Variants in ASB13 observed in about 807,000 individuals in gnomAD.
ASB13 encodes ankyrin repeat and SOCS box protein 13.
In ASB13, 33 loss-of-function variants were observed where a neutral mutation model predicts 28.8. That is an observed-to-expected ratio of 1.15 (90% CI 0.87 to 1.53). ASB13 has a LOEUF of 1.53. Ranked by LOEUF, ASB13 falls within the 40% of genes most tolerant of loss-of-function variation. ASB13 has a pLI of 0.00. For synonymous variants in ASB13, 182 were observed against 172.9 expected (o/e 1.05, Z -0.41); for missense variants, 414 against 390.1 (o/e 1.06, Z -0.52).
rs754063439 is a variant in ASB13 at position 5,642,468 on chromosome 10, C to T, written c.518-507G>A. 14 of 1,175,930 alleles carry T rather than the reference C, an allele frequency of 1.2e-5. No individual in the cohort carries two copies. The highest frequency in any genetic ancestry group is 4.9e-5 in the African/African-American group (3 of 61,260). The allele number at this position is 1,175,930 out of a possible 1,614,324, so 72.8% of individuals were successfully genotyped here. On this transcript the variant is annotated intron_variant, in intron 4 of 5. Transcript: ENST00000357700. The surrounding 1 kb of genome is among the most constrained non-coding windows in gnomAD (Gnocchi z 4.1). ...TCTTTTACAAAAGGAAAACAGATAA[C>T]GTACCCAAAACAGTAGGCAATTCAG...
In ASB13 at chr10:5,639,111, G is replaced by C. The variant is rs1834767024; in HGVS notation, c.*1592C>G. 6.6e-6 allele frequency: 1 copy of C among 152,582 alleles called. No individual in the cohort carries two copies. 9.5% of individuals were successfully genotyped at this position (152,582 alleles called of 1,614,324 possible). On this transcript the variant is annotated 3_prime_UTR_variant, in exon 6 of 6. Transcript: ENST00000357700. ...GCTTTTCTTCTCAGTTTAGGACGAA[G>C]ACCCGCCATGACAATGGCGGGAACG...
At chr10:5,662,707 T>C (rs1428175098) in intron 1 of ASB13, among the ~76,000 whole-genome samples, 1 of 151,486 alleles carries the variant, frequency 6.6e-6, no homozygotes, top group Non-Finnish European at 1.5e-5. Flanking sequence ...CTGCCTGCTG[T>C]CCAAACCACA....
In ASB13 at chr10:5,659,701, G is replaced by A. The variant is rs1486076705; in HGVS notation, c.44-6651C>T. 6.6e-6 allele frequency among the ~76,000 whole-genome samples: 1 copy of A among 151,336 alleles called. No homozygotes were observed. The highest frequency in any genetic ancestry group is 1.5e-5 in the Non-Finnish European group (1 of 67,940). ...CCACACTATTGCCCCACCACCAGCT[G>A]ATCAGCATTCTCCCTTCCCTGGGCC... On this transcript the variant is annotated intron_variant, in intron 1 of 5. Transcript: ENST00000357700. The surrounding 1 kb of genome is among the most constrained non-coding windows in gnomAD (Gnocchi z 5.8).
intron 4 of ASB13, among the ~76,000 whole-genome samples, chr10:5,647,912 T>C (rs1834909681): frequency 6.6e-6 from 1 of 152,134 alleles, no homozygotes; most frequent in Non-Finnish European, 1.5e-5. Flanking sequence ...TGCAAGTATA[T>C]ACCCATTCAG....
rs2131437668 is a variant in ASB13 at position 5,638,993 on chromosome 10, G to A, written c.*1710C>T. 1 of 152,670 alleles carries A rather than the reference G, an allele frequency of 6.6e-6. No individual in the cohort carries two copies. The allele number at this position is 152,670 out of a possible 1,614,324, so 9.5% of individuals were successfully genotyped here. On this transcript the variant is annotated 3_prime_UTR_variant, in exon 6 of 6. Coordinates refer to ENST00000357700, the MANE Select transcript of ASB13 (RefSeq NM_024701.4). ...AAGAATCTCTTACAAAGATGAAAGG[G>A]CAGAACCCAGTGCTTTTTTTAATGG...
At chr10:5,647,964 T>TAAACACCCACTCAGGC (rs781358340) in intron 4 of ASB13, among the ~76,000 whole-genome samples, 2 of 101,398 alleles carry the variant, frequency 2.0e-5, no homozygotes, top group African/African-American at 3.2e-5. Context: ...ACTCTGCAGG[T>TAAACACCCACTCAGGC]AAACACCCAC....
chr10:5,654,837 C>A (rs972189604), intron 1 of ASB13, among the ~76,000 whole-genome samples: 2 of 152,194 alleles, frequency 1.3e-5, no homozygotes, highest in Admixed American at 6.5e-5. Flanking sequence ...TGGCTCATGC[C>A]TGTAATCTCA....
chr10:5,654,145 CTTT>C (rs145949502), intron 1 of ASB13, among the ~76,000 whole-genome samples: 2 of 128,766 alleles, frequency 1.6e-5, no homozygotes, highest in Non-Finnish European at 1.6e-5. Context: ...TTCTTTTTTT[CTTT>C]TTTTTTTTTT....
rs1834958767 is a variant in ASB13 at position 5,649,936 on chromosome 10, C to T, written c.383-832G>A. Among the ~76,000 whole-genome samples, 1 of 152,210 alleles carries T rather than the reference C, an allele frequency of 6.6e-6. No homozygotes were observed. Among genetic ancestry groups the T allele is most frequent in the South Asian group, 2.1e-4 (1 of 4,834 alleles). The stretch of plus-strand genomic sequence containing the variant: ...CCTGCACATTCCGTCTAGGCTCCAA[C>T]CTTTCCGTTCACTCAATTACCTCTT... On this transcript the variant is annotated intron_variant, in intron 3 of 5. Coordinates refer to ENST00000357700, the MANE Select transcript of ASB13 (RefSeq NM_024701.4). The surrounding 1 kb of genome is among the most constrained non-coding windows in gnomAD (Gnocchi z 6.4).
chr10:5,649,609 G>T lies in ASB13; in HGVS notation c.383-505C>A, dbSNP rs545267365. On this transcript the variant is annotated intron_variant, in intron 3 of 5. Coordinates refer to ENST00000357700, the MANE Select transcript of ASB13 (RefSeq NM_024701.4). The surrounding 1 kb of genome is among the most constrained non-coding windows in gnomAD (Gnocchi z 6.4). ...GGTGCGATCTCAGCTCACTACAACC[G>T]CCATCTCCCGGGTTAAAGCGATTCT... 6.6e-6 allele frequency among the ~76,000 whole-genome samples: 1 copy of T among 150,622 alleles called. No individual in the cohort carries two copies. Among genetic ancestry groups the T allele is most frequent in the East Asian group, 2.0e-4 (1 of 5,112 alleles).
Position 5,652,711 on chromosome 10 carries a change from G to T in ASB13, c.231+152C>A. ...GTGACCTCCTAACAGCCAGGTCCACGAGCACTTCTCAGCCATGGGCTTCCT... is the reference window on the plus strand; with the variant it reads ...GTGACCTCCTAACAGCCAGGTCCACTAGCACTTCTCAGCCATGGGCTTCCT... On this transcript the variant is annotated intron_variant, in intron 2 of 5. Coordinates refer to ENST00000357700, the MANE Select transcript of ASB13 (RefSeq NM_024701.4). The surrounding 1 kb of genome is among the most constrained non-coding windows in gnomAD (Gnocchi z 5.0). 1 of 756,048 alleles carries T rather than the reference G, an allele frequency of 1.3e-6. No homozygotes were observed. The highest frequency in any genetic ancestry group is 1.9e-6 in the Non-Finnish European group (1 of 533,696). The allele number at this position is 756,048 out of a possible 1,614,324, so 46.8% of individuals were successfully genotyped here.
chr10:5,642,483 A>C lies in ASB13; in HGVS notation c.518-522T>G. 8.3e-7 allele frequency: 1 copy of C among 1,203,454 alleles called. No individual in the cohort carries two copies. 74.5% of individuals were successfully genotyped at this position (1,203,454 alleles called of 1,614,324 possible). On this transcript the variant is annotated intron_variant, in intron 4 of 5. Coordinates refer to ENST00000357700, the MANE Select transcript of ASB13 (RefSeq NM_024701.4). The surrounding 1 kb of genome is among the most constrained non-coding windows in gnomAD (Gnocchi z 4.1). The stretch of plus-strand genomic sequence containing the variant: ...AAACAGATAACGTACCCAAAACAGT[A>C]GGCAATTCAGAGAAGAGAGTAAGCT...
chr10:5,652,351 C>G lies in ASB13; in HGVS notation c.231+512G>C, dbSNP rs541505726. ...GGTGTGCAGGGCCAGTGTTTGCCAG[C>G]TCGGGAGAGCTGGCTGCCAATGTGC... On this transcript the variant is annotated intron_variant, in intron 2 of 5. Transcript: ENST00000357700. The surrounding 1 kb of genome is among the most constrained non-coding windows in gnomAD (Gnocchi z 5.0). 2.6e-5 allele frequency among the ~76,000 whole-genome samples: 4 copies of G among 152,336 alleles called. No homozygotes were observed. Among genetic ancestry groups the G allele is most frequent in the African/African-American group, 9.6e-5 (4 of 41,568 alleles).
In ASB13 at chr10:5,644,110, A is replaced by C. The variant is rs1419498159; in HGVS notation, c.518-2149T>G. On this transcript the variant is annotated intron_variant, in intron 4 of 5. Coordinates refer to ENST00000357700, the MANE Select transcript of ASB13 (RefSeq NM_024701.4). The surrounding 1 kb of genome is among the most constrained non-coding windows in gnomAD (Gnocchi z 5.1). ...AAGGGAAACACCAGGCCAGGGGTGC[A>C]GGCAGCTACATGGATGGATCCTGAA... 6.6e-6 allele frequency among the ~76,000 whole-genome samples: 1 copy of C among 152,260 alleles called. No homozygotes were observed. Among genetic ancestry groups the C allele is most frequent in the African/African-American group, 2.4e-5 (1 of 41,478 alleles).
Position 5,650,583 on chromosome 10 carries a change from A to C in ASB13, c.382+630T>G, listed in dbSNP as rs190101129. 7.9e-5 allele frequency among the ~76,000 whole-genome samples: 12 copies of C among 152,332 alleles called. No individual in the cohort carries two copies. Among genetic ancestry groups the C allele is most frequent in the African/African-American group, 2.2e-4 (9 of 41,572 alleles). ...ACCTCTGCTCGAAAGAGTAGAATCT[A>C]AACTCCTTAGTCTGTCATTTAAACA... On this transcript the variant is annotated intron_variant, in intron 3 of 5. Transcript: ENST00000357700. This position sits in a 1 kb window ranked among gnomAD's most constrained non-coding sequence, Gnocchi z 6.0.
At chr10:5,646,589 C>A (rs1347016163) in intron 4 of ASB13, among the ~76,000 whole-genome samples, 1 of 152,208 alleles carries the variant, frequency 6.6e-6, no homozygotes, top group Non-Finnish European at 1.5e-5. Context: ...CACCACGGAA[C>A]CTCCGGTCCA....
chr10:5,666,488 C>T (rs1171570497), intron 1 of ASB13, 21 bp downstream of exon 1: 32 of 1,296,622 alleles, frequency 2.5e-5, no homozygotes, highest in Non-Finnish European at 3.0e-5. Flanking sequence ...TCGCTCTGAC[C>T]TCCGCGGCGC....
At chr10:5,654,876 C>T (rs1835047120) in intron 1 of ASB13, among the ~76,000 whole-genome samples, 1 of 152,144 alleles carries the variant, frequency 6.6e-6, no homozygotes, top group African/African-American at 2.4e-5. Context: ...GCGGGCGGAT[C>T]ACTTGAGGTC....
In ASB13 at chr10:5,649,474, C is replaced by G. The variant is rs1193836261; in HGVS notation, c.383-370G>C. ...TGAGCCCAGCCTCCCAGGAAACCCC[C>G]CAGACTTTCTTATGCAGGTCATCCT... is the stretch of plus-strand genomic sequence containing the variant. On this transcript the variant is annotated intron_variant, in intron 3 of 5. Transcript: ENST00000357700. The surrounding 1 kb of genome is among the most constrained non-coding windows in gnomAD (Gnocchi z 6.4). 6.6e-6 allele frequency among the ~76,000 whole-genome samples: 1 copy of G among 152,122 alleles called. No homozygotes were observed. The highest frequency in any genetic ancestry group is 2.4e-5 in the African/African-American group (1 of 41,404).
Sources: gnomAD v4.1 joint callset for allele counts (sites outside exome capture counted in the v4.1 genomes callset) on GRCh38, gnomAD v4.1.1 for gene constraint, Gnocchi (gnomAD v3.1) non-coding constraint, MANE v1.5 for transcripts, NCBI Gene and HGNC (gene_info 2026-07-23, HGNC 2026-07-21) for gene names.